The following ARHGAP10 variants were observed in gnomAD, a reference collection of about 807,000 sequenced individuals.
The protein encoded by ARHGAP10 is rho GTPase-activating protein 10.
ARHGAP10 carries 87 observed loss-of-function variants against 108.6 expected under a neutral mutation model. That is an observed-to-expected ratio of 0.80 (90% confidence interval 0.67 to 0.96). The LOEUF (loss-of-function observed/expected upper bound fraction) is 0.96. Ranked by LOEUF, ARHGAP10 falls within the 40% of genes least tolerant of loss-of-function variation. The probability of loss-of-function intolerance (pLI) is 0.00; values close to 1 mark genes in which losing one functional copy is unlikely to be tolerated. For missense variants in ARHGAP10, 939 were observed against 954.5 expected, an observed-to-expected ratio of 0.98 and a Z score of 0.21; for synonymous variants, 347 against 341.1, an observed-to-expected ratio of 1.02 and a Z score of -0.19.
intron 18 of ARHGAP10, among the ~76,000 whole-genome samples, chr4:147,994,607 A>G (rs770961293): frequency 2.0e-5 from 3 of 152,180 alleles, no homozygotes; most frequent in South Asian, 4.1e-4. Context: ...CGTAATCTCA[A>G]TGTTATTCTC....
At chr4:147,768,015 G>C (rs1430740597) in intron 1 of ARHGAP10, among the ~76,000 whole-genome samples, 1 of 152,174 alleles carries the variant, frequency 6.6e-6, no homozygotes, top group Non-Finnish European at 1.5e-5. Flanking sequence ...AAGTCTTCAG[G>C]CATGAAACAT....
At chr4:147,916,026 T>C (rs1164548642) in intron 13 of ARHGAP10, among the ~76,000 whole-genome samples, 1 of 152,224 alleles carries the variant, frequency 6.6e-6, no homozygotes, top group African/African-American at 2.4e-5. Context: ...GGAGGATCAC[T>C]GGATCCCAGG....
chr4:147,940,967 T>A (rs971875665), intron 14 of ARHGAP10, among the ~76,000 whole-genome samples: 24 of 152,224 alleles, frequency 1.6e-4, no homozygotes, highest in African/African-American at 5.5e-4. Flanking sequence ...CTGGTTTAAC[T>A]TGGGTGTGCA....
At chr4:147,773,887 T>C (rs1042078102) in intron 1 of ARHGAP10, among the ~76,000 whole-genome samples, 2 of 152,154 alleles carry the variant, frequency 1.3e-5, no homozygotes, top group African/African-American at 4.8e-5. Flanking sequence ...CTTTAGTCCT[T>C]GATTTGTTGT....
intron 1 of ARHGAP10, among the ~76,000 whole-genome samples, chr4:147,803,206 A>T (rs746846171): frequency 1.1e-4 from 17 of 152,158 alleles, no homozygotes; most frequent in Admixed American, 4.6e-4. Flanking sequence ...ATGGGGTTTC[A>T]CCGTGTTGGC....
chr4:147,866,683 C>G (rs1734578213), intron 6 of ARHGAP10, 29 bp from the exon 7 acceptor site: 1 of 1,530,090 alleles, frequency 6.5e-7, no homozygotes, highest in African/African-American at 1.4e-5. Context: ...TTTTTTTGTG[C>G]TAATATCTCT....
intron 1 of ARHGAP10, among the ~76,000 whole-genome samples, chr4:147,808,108 T>G (rs1731860519): frequency 6.6e-6 from 1 of 152,178 alleles, no homozygotes; most frequent in Non-Finnish European, 1.5e-5. Flanking sequence ...AGTTAGAAAG[T>G]ATGGATCACA....
chr4:147,844,446 T>G (rs1202414225), intron 3 of ARHGAP10, among the ~76,000 whole-genome samples: 2 of 152,182 alleles, frequency 1.3e-5, no homozygotes, highest in African/African-American at 4.8e-5. Flanking sequence ...TTCAAACTAT[T>G]TTTTTGTACC....
At chr4:147,936,962 G>A (rs1201827353) in intron 13 of ARHGAP10, among the ~76,000 whole-genome samples, 1 of 152,134 alleles carries the variant, frequency 6.6e-6, no homozygotes, top group Non-Finnish European at 1.5e-5. Context: ...GATTGTTATA[G>A]GAGTGCAAAC....
At chr4:147,879,119 T>A in intron 8 of ARHGAP10, 113 bp from the exon 9 acceptor site, 3 of 748,188 alleles carry the variant, frequency 4.0e-6, no homozygotes, top group Non-Finnish European at 6.4e-6. Context: ...TTTCATTGAT[T>A]CAGCTGTATT....
At chr4:148,062,348 CG>C (rs1385617486) in intron 20 of ARHGAP10, among the ~76,000 whole-genome samples, 2 of 152,174 alleles carry the variant, frequency 1.3e-5, no homozygotes, top group African/African-American at 2.4e-5. Context: ...TAGCAGAAGA[CG>C]GGGTATCTTA....
intron 3 of ARHGAP10, among the ~76,000 whole-genome samples, chr4:147,839,310 T>C (rs1733316417): frequency 6.6e-6 from 1 of 152,220 alleles, no homozygotes; most frequent in Non-Finnish European, 1.5e-5. Flanking sequence ...GGGAAGTATC[T>C]GGAAGGTCAT....
At chr4:147,959,989 A>G (rs1003211302) in intron 16 of ARHGAP10, among the ~76,000 whole-genome samples, 1 of 152,204 alleles carries the variant, frequency 6.6e-6, no homozygotes, top group Admixed American at 6.5e-5. Flanking sequence ...GCGATATAAA[A>G]TTCTTATCCT....
At chr4:147,926,833 T>A (rs577021475) in intron 13 of ARHGAP10, among the ~76,000 whole-genome samples, 4 of 152,010 alleles carry the variant, frequency 2.6e-5, no homozygotes, top group Non-Finnish European at 4.4e-5. Flanking sequence ...TCTAGAAAGG[T>A]CAGGTTGGTG....
intron 1 of ARHGAP10, among the ~76,000 whole-genome samples, chr4:147,798,145 T>A (rs952511827): frequency 6.6e-6 from 1 of 152,146 alleles, no homozygotes; most frequent in Non-Finnish European, 1.5e-5. Flanking sequence ...TACTTTTTTT[T>A]TTTTCGTAAG....
chr4:147,937,138 T>C (rs2118032), intron 13 of ARHGAP10, among the ~76,000 whole-genome samples: 145,288 of 152,262 alleles, frequency 0.95, 69,329 homozygotes, highest in East Asian at 0.97. Context: ...AGGTTGGGGA[T>C]GGGGGCTGCT....
intron 1 of ARHGAP10, among the ~76,000 whole-genome samples, chr4:147,798,440 G>C (rs922910881): frequency 2.0e-5 from 3 of 152,054 alleles, no homozygotes; most frequent in East Asian, 1.9e-4. Context: ...GCCAGGTGTG[G>C]TGGCTCATGC....
At chr4:148,057,240 T>C (rs1729404656) in intron 20 of ARHGAP10, among the ~76,000 whole-genome samples, 1 of 152,126 alleles carries the variant, frequency 6.6e-6, no homozygotes, top group Admixed American at 6.5e-5. Flanking sequence ...CTCTGCAGAG[T>C]GGCAGAGTCT....
intron 20 of ARHGAP10, among the ~76,000 whole-genome samples, chr4:148,062,460 T>C (rs1261494494): frequency 2.0e-5 from 3 of 152,210 alleles, no homozygotes; most frequent in African/African-American, 7.2e-5. Flanking sequence ...TAAACCATAG[T>C]CGCCTCCAGT....
Sources: gnomAD v4.1 joint callset for allele counts (sites outside exome capture counted in the v4.1 genomes callset) on GRCh38, gnomAD v4.1.1 for gene constraint, MANE v1.5 for transcripts, NCBI Gene and HGNC (gene_info 2026-07-23, HGNC 2026-07-21) for gene names.